Variants in MYH13 observed in about 807,000 individuals in gnomAD.
MYH13 encodes myosin-13.
In MYH13, 177 loss-of-function variants were observed where a neutral mutation model predicts 232.1. That is an observed-to-expected ratio of 0.76 (90% CI 0.67 to 0.86). The LOEUF is 0.86. Ranked by LOEUF, MYH13 falls within the 40% of genes least tolerant of loss-of-function variation. The pLI, the probability that MYH13 is intolerant of heterozygous loss-of-function variation, is 0.00. For missense variants in MYH13, 2,246 were observed against 2,405.9 expected (o/e 0.93, Z 1.39); for synonymous variants, 884 against 923.5 (o/e 0.96, Z 0.78).
At chr17:10,342,541 T>C (rs2071626177) in intron 16 of MYH13, among the ~76,000 whole-genome samples, 1 of 152,188 alleles carries the variant, frequency 6.6e-6, no homozygotes, top group Non-Finnish European at 1.5e-5. Flanking sequence ...TCATGCACAG[T>C]AGCCAGAAAG....
chr17:10,305,438 T>C (rs1178752855), intron 37 of MYH13, among the ~76,000 whole-genome samples: 4 of 152,360 alleles, frequency 2.6e-5, no homozygotes, highest in African/African-American at 9.6e-5. Context: ...ATGGCCTTGT[T>C]GTTTTTAGCA....
At position 10,303,271 on chromosome 17, in the gene MYH13, A is replaced by G. The variant is rs1906162035; in HGVS notation, c.5592T>C (p.Asn1864=). The stretch of plus-strand genomic sequence containing the variant: ...CCACCAGGTCCTGGAGCCTAAGGAT[A>G]TTCTTGTGGTCCTCCTCAGCCTGCA... ...MTYQAEEDHK[N]ILRLQDLVDK... is the part of the protein sequence containing the mutation. Residue 1864 remains asparagine (N), a synonymous_variant, in exon 39 of 41, where the codon AAT becomes AAC. Coordinates refer to ENST00000252172, the MANE Select transcript of MYH13 (RefSeq NM_003802.3). 1.9e-6 allele frequency: 3 copies of G among 1,613,706 alleles called. No individual in the cohort carries two copies. The highest frequency in any genetic ancestry group is 2.5e-6 in the Non-Finnish European group (3 of 1,179,808).
intron 39 of MYH13, among the ~76,000 whole-genome samples, chr17:10,301,984 G>C (rs968168378): frequency 6.6e-6 from 1 of 151,972 alleles, no homozygotes; most frequent in Non-Finnish European, 1.5e-5. Context: ...AGAGATCTTC[G>C]GGGGAGACCT....
chr17:10,319,165 C>G lies in MYH13; in HGVS notation c.3363G>C (p.Glu1121Asp), dbSNP rs1906839161. ...KIKELQARIE[E>D]LEEEIEAEHT... ...GTTCCGCTTCAATTTCCTCCTCCAG[C>G]TCTTCTATGCGGGCCTGAAAGGATT... Residue 1121 changes from glutamate (E) to aspartate (D), a missense_variant, in exon 27 of 41, where the codon GAG becomes GAC. Glu to Asp is a conservative substitution (Grantham distance 45, BLOSUM62 2). Coordinates refer to ENST00000252172, the MANE Select transcript of MYH13 (RefSeq NM_003802.3). 1.2e-6 allele frequency: 2 copies of G among 1,613,756 alleles called. No homozygotes were observed. Among genetic ancestry groups the G allele is most frequent in the East Asian group, 4.5e-5 (2 of 44,874 alleles).
rs533463652 is a variant in MYH13, at chr17:10,354,759, G to T, written c.926C>A (p.Pro309His). 29 of 1,613,986 alleles carry T rather than the reference G, an allele frequency of 1.8e-5. No individual in the cohort carries two copies. In the African/African-American group the frequency reaches 3.2e-4, roughly 18 times the overall value. ...LIDLLLISTNPFDFPFVSQGE... is the reference protein window; with the variant it reads ...LIDLLLISTNHFDFPFVSQGE... ...TTGGCTCACGAAGGGGAAGTCGAAG[G>T]GGTTGGTGGAGATCAGAAGCAGGTC... Residue 309 changes from proline (P) to histidine (H), a missense_variant, in exon 11 of 41, where the codon CCC becomes CAC. Transcript: ENST00000252172.
rs766696254 is a variant in MYH13, at chr17:10,332,195, G to A, written c.2202C>T (p.Ile734=). ...QRYRILNASA[I]PEGQFIDSKN... is the part of the protein sequence containing the mutation. ...TGCTGTCAATGAACTGCCCTTCAGG[G>A]ATAGCACTGGCATTGAGGATCCGGT... The change falls in exon 20 of 41, where the codon ATC becomes ATT. Residue 734 remains isoleucine (I), a synonymous_variant. Transcript: ENST00000252172. 1 of 1,614,004 alleles carries A rather than the reference G, an allele frequency of 6.2e-7. No individual in the cohort carries two copies. Among genetic ancestry groups the A allele is most frequent in the African/African-American group, 1.3e-5 (1 of 75,052 alleles).
At chr17:10,353,600 C>T (rs763323091) in intron 11 of MYH13, among the ~76,000 whole-genome samples, 2 of 152,138 alleles carry the variant, frequency 1.3e-5, no homozygotes, top group Non-Finnish European at 2.9e-5. Context: ...TGCAGTGGCT[C>T]ATGCTTGTAA....
intron 11 of MYH13, 197 bp from the exon 12 acceptor site, chr17:10,350,891 A>G (rs542224001): frequency 7.5e-5 from 49 of 656,452 alleles, no homozygotes; most frequent in African/African-American, 6.3e-4. Flanking sequence ...AGACTATGGG[A>G]AAAAGATGTG....
At position 10,313,303 on chromosome 17, in the gene MYH13, G is replaced by T. The variant is rs1473113435; in HGVS notation, c.4036C>A (p.Leu1346Met). The T allele has an allele frequency of 6.2e-7, 1 of 1,614,160 alleles. No individual in the cohort carries two copies. Among genetic ancestry groups the T allele is most frequent in the African/African-American group, 1.3e-5 (1 of 74,964 alleles). The change falls in exon 30 of 41, where the codon CTG becomes ATG. Residue 1346 changes from leucine (L) to methionine (M), a missense_variant. By Grantham distance (15) the Leu-to-Met change is conservative (BLOSUM62 2). Transcript: ENST00000252172. The part of the protein sequence containing the change: ...ALQSSRHDCD[L>M]LREQYEEEQE... ...TCCTCCTCATACTGTTCCCGCAGCA[G>T]GTCACAGTCGTGGCGGGAGGACTGC... is the stretch of plus-strand genomic sequence containing the variant.
rs1326354836 is a variant in MYH13, at chr17:10,306,962, TCTC to T, written c.5269_5271del (p.Glu1757del). 5 of 1,613,894 alleles carry T rather than the reference TCTC, an allele frequency of 3.1e-6. No homozygotes were observed. The highest frequency in any genetic ancestry group is 3.3e-5 in the Admixed American group (2 of 60,036). On this transcript the variant is annotated inframe_deletion, in exon 36 of 41. Transcript: ENST00000252172. The surrounding 1 kb of genome is among the most constrained non-coding windows in gnomAD (Gnocchi z 4.3). ...ACATCCGTGATGGCCTTCTTGGCCT[TCTC>T]CTCTGCGTTCCTGGACTCCTGGATC...
At chr17:10,316,128 A>G in intron 27 of MYH13, 103 bp from the exon 28 acceptor site, 13 of 1,396,312 alleles carry the variant, frequency 9.3e-6, no homozygotes, top group Non-Finnish European at 1.3e-5. Context: ...AGGTAAAATA[A>G]AAATAAAAGT....
chr17:10,342,564 T>C (rs992162099), intron 16 of MYH13, among the ~76,000 whole-genome samples: 1 of 152,182 alleles, frequency 6.6e-6, no homozygotes, highest in Non-Finnish European at 1.5e-5. Context: ...CATCGGCTGA[T>C]GAATGTGCAG....
rs2071760007 is a variant in MYH13, at chr17:10,357,769, G to A, written c.704C>T (p.Ala235Val). Reference sequence around the variant, plus strand: ...GGAGTTGTCATTCCTCACAGTCTTGGCATTTCCAAAGGCCTCCAGCAGTGG... The same window carrying A: ...GGAGTTGTCATTCCTCACAGTCTTGACATTTCCAAAGGCCTCCAGCAGTGG... Reference protein sequence around the residue: ...ANPLLEAFGNAKTVRNDNSSR... With the variant: ...ANPLLEAFGNVKTVRNDNSSR... Residue 235 changes from alanine (A) to valine (V), a missense_variant, in exon 8 of 41, where the codon GCC becomes GTC. Transcript: ENST00000252172. The A allele has an allele frequency of 1.9e-6, 3 of 1,613,832 alleles. No individual in the cohort carries two copies. Among genetic ancestry groups the A allele is most frequent in the Admixed American group, 1.7e-5 (1 of 59,994 alleles).
rs374299665 is a variant in MYH13 at position 10,333,205 on chromosome 17, G to A, written c.2057-14C>T. ...GGTCCATCACACCTGGAGAGAGAAC[G>A]TCCCGGGGGTGTGCCTGTGACCCCT... On this transcript the variant is annotated splice_polypyrimidine_tract_variant and intron_variant, in intron 18 of 40. Coordinates refer to ENST00000252172, the MANE Select transcript of MYH13 (RefSeq NM_003802.3). The A allele has an allele frequency of 1.9e-3, 2,852 of 1,515,802 alleles. 5 individuals are homozygous for A. Among genetic ancestry groups the A allele is most frequent in the Non-Finnish European group, 2.4e-3 (2,730 of 1,114,774 alleles). The allele number at this position is 1,515,802 out of a possible 1,614,324, so 93.9% of individuals were successfully genotyped here. A position where few individuals can be genotyped will look rare whatever the true frequency, so the allele number is the denominator to read the frequency against.
At chr17:10,338,820 C>T (rs1240833739) in intron 18 of MYH13, among the ~76,000 whole-genome samples, 1 of 151,814 alleles carries the variant, frequency 6.6e-6, no homozygotes, top group African/African-American at 2.4e-5. Context: ...CCTGCCTCGG[C>T]CTCCCGAATA....
chr17:10,337,281 T>C (rs1475902905), intron 18 of MYH13, among the ~76,000 whole-genome samples: 1 of 152,140 alleles, frequency 6.6e-6, no homozygotes, highest in African/African-American at 2.4e-5. Context: ...TAATAAAACC[T>C]ACATTTAAAA....
At chr17:10,345,680 CAT>C in intron 13 of MYH13, 64 bp from the exon 14 acceptor site, 1 of 1,611,106 alleles carries the variant, frequency 6.2e-7, no homozygotes. Context: ...TAAGTTGAAA[CAT>C]ATGAAATTGA....
At chr17:10,358,557 A>T (rs1011682456) in intron 7 of MYH13, among the ~76,000 whole-genome samples, 3 of 152,080 alleles carry the variant, frequency 2.0e-5, no homozygotes, top group Non-Finnish European at 4.4e-5. Context: ...CAACGGTCTG[A>T]TACCAGCCTA....
chr17:10,360,291 GTCTTT>G, intron 5 of MYH13, 103 bp from the exon 6 acceptor site: 5 of 1,337,896 alleles, frequency 3.7e-6, no homozygotes, highest in Non-Finnish European at 5.2e-6. Flanking sequence ...TCTAGTTAAT[GTCTTT>G]GCCATTAACC....
Sources: allele counts gnomAD v4.1 joint callset (sites outside exome capture counted in the v4.1 genomes callset), GRCh38; gene constraint gnomAD v4.1.1; non-coding constraint Gnocchi (gnomAD v3.1); transcripts MANE v1.5; gene names NCBI Gene and HGNC (gene_info 2026-07-23, HGNC 2026-07-21).